PDE1C: variants seen among roughly 807,000 people sequenced by gnomAD.
PDE1C encodes the protein dual specificity calcium/calmodulin-dependent 3',5'-cyclic nucleotide phosphodiesterase 1C.
A neutral mutation model predicts 93.1 loss-of-function variants in PDE1C; 62 were observed. The observed-to-expected ratio is 0.67, with a 90% CI of 0.54 to 0.82. PDE1C has a LOEUF of 0.82. Ranked by LOEUF, PDE1C falls within the 40% of genes least tolerant of loss-of-function variation. The pLI is 0.00. For missense variants in PDE1C, 742 were observed against 884.6 expected, an observed-to-expected ratio of 0.84 and a Z score of 2.04; for synonymous variants, 325 against 310.1, an observed-to-expected ratio of 1.05 and a Z score of -0.50.
intron 2 of PDE1C, among the ~76,000 whole-genome samples, chr7:31,891,690 C>T (rs10280294): frequency 0.099 from 15,011 of 151,924 alleles, 1,073 homozygotes; most frequent in East Asian, 0.26. Flanking sequence ...GAGGGAGACA[C>T]GTGTAAGAAG....
chr7:32,225,337 A>G (rs1026588581), intron 1 of PDE1C, among the ~76,000 whole-genome samples: 1 of 148,870 alleles, frequency 6.7e-6, no homozygotes, highest in Admixed American at 6.7e-5. Flanking sequence ...CAAAGCATTC[A>G]ACATGCACAC....
intron 1 of PDE1C, among the ~76,000 whole-genome samples, chr7:32,287,589 C>T (rs1263779198): frequency 2.0e-5 from 3 of 152,244 alleles, no homozygotes; most frequent in East Asian, 1.9e-4. Context: ...CTAACACAAT[C>T]GCTGCCATAA....
At chr7:31,708,272 G>A in the PDE1C span, 1 of 152,202 alleles carries the variant, frequency 6.6e-6, no homozygotes, top group East Asian at 1.9e-4. Context: ...CAATAGACAG[G>A]AGAGAGGTGA....
intron 2 of PDE1C, among the ~76,000 whole-genome samples, chr7:31,917,490 AC>A (rs746103961): frequency 8.5e-5 from 13 of 152,182 alleles, no homozygotes; most frequent in South Asian, 4.1e-4. Flanking sequence ...GCCTTTCTAG[AC>A]TAGTCTTAAG....
chr7:31,744,082 T>TAATA, the PDE1C span, among the ~76,000 whole-genome samples: 1 of 152,208 alleles, frequency 6.6e-6, no homozygotes, highest in Admixed American at 6.5e-5. Context: ...ATACTAAGAT[T>TAATA]AATAAATATA....
In PDE1C at chr7:32,035,313, G is replaced by A. The variant is rs896730209; in HGVS notation, c.128+16241C>T. On this transcript the variant is annotated intron_variant, in intron 2 of 17. Transcript: ENST00000396191. The stretch of plus-strand genomic sequence containing the variant: ...CTTCTCCTCCACACAGAAACATTCC[G>A]AGCCTGTGATAAACTCTCTCACTCT... Among the ~76,000 whole-genome samples the A allele has an allele frequency of 5.3e-5, 8 of 152,146 alleles. No homozygotes were observed. The South Asian group carries it at 1.5e-3, about 28-fold the overall frequency.
At chr7:32,300,413 T>C (rs1391954911), upstream of PDE1C, among the ~76,000 whole-genome samples, 3 of 152,188 alleles carry the variant, frequency 2.0e-5, no homozygotes, top group African/African-American at 7.2e-5. Flanking sequence ...TATTTCAGCA[T>C]GCAGTCAGGG....
Position 31,880,835 on chromosome 7 carries a change from C to G in PDE1C, c.154G>C (p.Glu52Gln), listed in dbSNP as rs1007346308. The change falls in exon 3 of 18, where the codon GAG (glutamate) becomes CAG (glutamine). Residue 52 changes from glutamate to glutamine, a missense_variant. Physicochemically the swap from Glu to Gln is conservative, Grantham distance 29. Coordinates refer to ENST00000396191, the MANE Select transcript of PDE1C (RefSeq NM_001191057.4). The part of the protein sequence containing the change: ...QRLRSLVKQL[E>Q]RGEASVVDLK... Reference sequence around the variant, plus strand: ...TCTACCACTGAAGCTTCCCCTCTCTCTAATTGTTTGACCAAAGACCGTAAT... The same window carrying G: ...TCTACCACTGAAGCTTCCCCTCTCTGTAATTGTTTGACCAAAGACCGTAAT... 1.2e-6 allele frequency: 2 copies of G among 1,610,104 alleles called. No homozygotes were observed. The highest frequency in any genetic ancestry group is 1.7e-6 in the Non-Finnish European group (2 of 1,176,670).
At chr7:31,667,605 G>A in the PDE1C span, among the ~76,000 whole-genome samples, 1 of 151,418 alleles carries the variant, frequency 6.6e-6, no homozygotes, top group African/African-American at 2.4e-5. Flanking sequence ...TTCTAGTGAT[G>A]GAGGGCAGTG....
Position 32,359,556 on chromosome 7 carries a change from C to T in PDE1C, c.310+68266G>A, listed in dbSNP as rs113052520. Reference sequence around the variant, plus strand: ...GTGCCTAGCACACATAGTAAGTGCTCGGTTAACATTTATTGAGTGAATAAA... The same window carrying T: ...GTGCCTAGCACACATAGTAAGTGCTTGGTTAACATTTATTGAGTGAATAAA... On this transcript the variant is annotated intron_variant, in intron 1 of 1. Transcript: ENST00000672256. 2.9e-3 allele frequency among the ~76,000 whole-genome samples: 443 copies of T among 152,284 alleles called. 4 individuals carry two copies. Among genetic ancestry groups the T allele is most frequent in the African/African-American group, 9.8e-3 (409 of 41,546 alleles).
the PDE1C span, among the ~76,000 whole-genome samples, chr7:31,673,537 T>C: frequency 1.1e-3 from 160 of 152,282 alleles, 2 homozygotes; most frequent in African/African-American, 3.4e-3. Flanking sequence ...ATTTTTCTCA[T>C]GTGTTTTAAA....
intron 1 of PDE1C, among the ~76,000 whole-genome samples, chr7:32,423,833 C>T (rs773373337): frequency 6.6e-6 from 1 of 152,040 alleles, no homozygotes; most frequent in Non-Finnish European, 1.5e-5. Context: ...AACAGCAAGA[C>T]AAGAAAAGAT....
chr7:31,741,846 G>A, the PDE1C span, among the ~76,000 whole-genome samples: 1 of 152,196 alleles, frequency 6.6e-6, no homozygotes, highest in South Asian at 2.1e-4. Flanking sequence ...TGGGGAGGGA[G>A]GCAGGGACCA....
the PDE1C span, among the ~76,000 whole-genome samples, chr7:31,670,395 C>T: frequency 4.8e-4 from 73 of 152,236 alleles, 1 homozygote; most frequent in Non-Finnish European, 2.4e-4. Context: ...TGAGCCATCC[C>T]CCCTGCACTG....
the PDE1C span, among the ~76,000 whole-genome samples, chr7:31,629,716 G>T: frequency 6.6e-6 from 1 of 152,126 alleles, no homozygotes; most frequent in Non-Finnish European, 1.5e-5. Context: ...GATAGTGGAG[G>T]TGCATAGTTG....
At chr7:31,638,735 A>G in the PDE1C span, among the ~76,000 whole-genome samples, 1 of 152,072 alleles carries the variant, frequency 6.6e-6, no homozygotes, top group East Asian at 1.9e-4. Flanking sequence ...GGGTTTTTAT[A>G]AAAAGTCATT....
intron 6 of PDE1C, among the ~76,000 whole-genome samples, chr7:31,871,295 G>A (rs936436111): frequency 1.3e-5 from 2 of 151,814 alleles, no homozygotes; most frequent in Non-Finnish European, 2.9e-5. Context: ...AACACTTCAG[G>A]AAATTGGTCT....
chr7:31,875,833 AT>A (rs1161002914), intron 5 of PDE1C, among the ~76,000 whole-genome samples: 20 of 125,244 alleles, frequency 1.6e-4, no homozygotes, highest in African/African-American at 5.7e-4. Context: ...ATATATATAT[AT>A]AATGGAAAAA....
chr7:31,925,077 G>C (rs1472144117), intron 2 of PDE1C, among the ~76,000 whole-genome samples: 1 of 140,910 alleles, frequency 7.1e-6, no homozygotes, highest in Non-Finnish European at 1.6e-5. Flanking sequence ...GTGTGTGTGT[G>C]TGTGTGTGTG....
Sources: gnomAD v4.1 joint callset for allele counts (sites outside exome capture counted in the v4.1 genomes callset) on GRCh38, gnomAD v4.1.1 for gene constraint, MANE v1.5 for transcripts, NCBI Gene and HGNC (gene_info 2026-07-23, HGNC 2026-07-21) for gene names.